RAB20: variants seen among roughly 807,000 people sequenced by gnomAD.
The protein encoded by RAB20 is ras-related protein Rab-20.
In RAB20, 2 loss-of-function variants were observed where a neutral mutation model predicts 3.7. The ratio of observed to expected loss-of-function variants is 0.54; its 90% confidence interval spans 0.22 to 1.69. The LOEUF (loss-of-function observed/expected upper bound fraction) is 1.69, where lower values mean the gene tolerates loss of function less well. RAB20 is among the 40% of genes most tolerant of loss of function. RAB20 has a pLI of 0.19. For missense variants in RAB20, 276 were observed against 311.9 expected, an observed-to-expected ratio of 0.88 and a Z score of 0.87; for synonymous variants, 126 against 130.8, an observed-to-expected ratio of 0.96 and a Z score of 0.25.
chr13:110,533,726 G>A (rs1884589421), intron 1 of RAB20, among the ~76,000 whole-genome samples: 1 of 152,056 alleles, frequency 6.6e-6, no homozygotes, highest in African/African-American at 2.4e-5. Flanking sequence ...CATCCCCTCA[G>A]GAGCATTAGA....
At chr13:110,557,184 G>C (rs1364963230) in intron 1 of RAB20, among the ~76,000 whole-genome samples, 2 of 152,216 alleles carry the variant, frequency 1.3e-5, no homozygotes, top group Non-Finnish European at 2.9e-5. Flanking sequence ...GCTGGAGGAG[G>C]GAGGATGTGG....
chr13:110,538,627 AG>A (rs1490492593), intron 1 of RAB20, among the ~76,000 whole-genome samples: 1 of 151,134 alleles, frequency 6.6e-6, no homozygotes, highest in Non-Finnish European at 1.5e-5. Context: ...AAGAAAGAAA[AG>A]AAAAGAAAAG....
chr13:110,523,464 C>A lies in RAB20; in HGVS notation c.*201G>T. 1 of 1,049,368 alleles carries A rather than the reference C, an allele frequency of 9.5e-7. No individual in the cohort carries two copies. The highest frequency in any genetic ancestry group is 1.3e-6 in the Non-Finnish European group (1 of 749,826). 65.0% of individuals were successfully genotyped at this position (1,049,368 alleles called of 1,614,324 possible). A position where few individuals can be genotyped will look rare whatever the true frequency, so the allele number is the denominator to read the frequency against. The stretch of plus-strand genomic sequence containing the variant: ...CAGAGGATTCCTGTTTCCCACCTCC[C>A]CACCCCTCTGACAGAGACTGAGGAG... On this transcript the variant is annotated 3_prime_UTR_variant, in exon 2 of 2. Transcript: ENST00000267328.
At chr13:110,545,459 G>A (rs112850094) in intron 1 of RAB20, among the ~76,000 whole-genome samples, 126 of 152,270 alleles carry the variant, frequency 8.3e-4, no homozygotes, top group African/African-American at 2.5e-3. Context: ...GTCTGTGGTC[G>A]GTCTCCCCAA....
At chr13:110,530,184 A>G (rs9559837) in intron 1 of RAB20, among the ~76,000 whole-genome samples, 6,345 of 61,254 alleles carry the variant, frequency 0.1, 309 homozygotes, top group East Asian at 0.15. Flanking sequence ...CCACCTCTAC[A>G]CAGACACAGG....
chr13:110,552,460 G>A (rs1317958299), intron 1 of RAB20, among the ~76,000 whole-genome samples: 1 of 151,730 alleles, frequency 6.6e-6, no homozygotes, highest in Non-Finnish European at 1.5e-5. Flanking sequence ...TTGGGAGGCT[G>A]AGGCGGGTGG....
intron 1 of RAB20, among the ~76,000 whole-genome samples, chr13:110,527,179 A>G (rs867089217): frequency 2.6e-5 from 4 of 152,088 alleles, no homozygotes; most frequent in Middle Eastern, 3.4e-3. Flanking sequence ...ATGGCCACAC[A>G]TTCTGATGAC....
At chr13:110,560,595 G>T (rs952570919) in intron 1 of RAB20, among the ~76,000 whole-genome samples, 1 of 152,058 alleles carries the variant, frequency 6.6e-6, no homozygotes, top group African/African-American at 2.4e-5. Flanking sequence ...TTATTCTTTT[G>T]TAAGGAGAAG....
At chr13:110,549,421 T>C (rs946639409) in intron 1 of RAB20, among the ~76,000 whole-genome samples, 1 of 152,260 alleles carries the variant, frequency 6.6e-6, no homozygotes, top group African/African-American at 2.4e-5. Flanking sequence ...CACCACTGTG[T>C]CTTTTCATCC....
rs1885021922 is a variant in RAB20 at position 110,555,362 on chromosome 13, C to T, written c.172+5986G>A. On this transcript the variant is annotated intron_variant, in intron 1 of 1. Coordinates refer to ENST00000267328, the MANE Select transcript of RAB20 (RefSeq NM_017817.3). This position sits in a 1 kb window ranked among gnomAD's most constrained non-coding sequence, Gnocchi z 4.0. ...CCTGGGACTGGGGCTCCAGTCCTCT[C>T]CATTCCACACCACAGAGTCCCCCAT... Among the ~76,000 whole-genome samples the T allele has an allele frequency of 6.6e-6, 1 of 152,206 alleles. No homozygotes were observed. Among genetic ancestry groups the T allele is most frequent in the Non-Finnish European group, 1.5e-5 (1 of 68,032 alleles).
At chr13:110,552,963 G>A (rs758781263) in intron 1 of RAB20, among the ~76,000 whole-genome samples, 22 of 152,296 alleles carry the variant, frequency 1.4e-4, no homozygotes, top group Middle Eastern at 3.4e-3. Context: ...GCTCGCAAGC[G>A]GCCACTGTGC....
chr13:110,555,850 T>C lies in RAB20; in HGVS notation c.172+5498A>G, dbSNP rs532901325. On this transcript the variant is annotated intron_variant, in intron 1 of 1. Transcript: ENST00000267328. This position sits in a 1 kb window ranked among gnomAD's most constrained non-coding sequence, Gnocchi z 4.0. ...CCCCCAGCCTTCCCTCCTCTCGCCG[T>C]GGCCTCCCCATTTATTAGAGACTTG... 4.4e-4 allele frequency among the ~76,000 whole-genome samples: 67 copies of C among 152,322 alleles called. No homozygotes were observed. Among genetic ancestry groups the C allele is most frequent in the African/African-American group, 1.5e-3 (63 of 41,578 alleles).
At chr13:110,538,597 CAAAAAA>C (rs67409356) in intron 1 of RAB20, among the ~76,000 whole-genome samples, 3 of 70,704 alleles carry the variant, frequency 4.2e-5, no homozygotes, top group African/African-American at 6.1e-5. Flanking sequence ...GATCTTCTCT[CAAAAAA>C]AAAAAAAAAA....
chr13:110,548,419 G>C (rs1170070526), intron 1 of RAB20, among the ~76,000 whole-genome samples: 3 of 150,600 alleles, frequency 2.0e-5, no homozygotes, highest in African/African-American at 7.3e-5. Flanking sequence ...GGGAGGTGGA[G>C]GTTGCAGTGA....
At chr13:110,556,830 C>A (rs965221372) in intron 1 of RAB20, among the ~76,000 whole-genome samples, 91 of 152,218 alleles carry the variant, frequency 6.0e-4, no homozygotes, top group African/African-American at 2.1e-3. Flanking sequence ...CCATGCCCAG[C>A]AAATTTGTGT....
At chr13:110,553,416 A>G (rs189920402) in intron 1 of RAB20, among the ~76,000 whole-genome samples, 270 of 152,374 alleles carry the variant, frequency 1.8e-3, no homozygotes, top group Admixed American at 5.6e-3. Flanking sequence ...CTATGGGAAC[A>G]GACTTTTAGA....
intron 1 of RAB20, among the ~76,000 whole-genome samples, 168 bp from the exon 2 acceptor site, chr13:110,524,365 T>C (rs997344900): frequency 6.6e-6 from 1 of 152,078 alleles, no homozygotes; most frequent in African/African-American, 2.4e-5. Flanking sequence ...ATGGGCACCA[T>C]CCCCAAAGCA....
chr13:110,523,962 G>A lies in RAB20; in HGVS notation c.408C>T (p.Asp136=), dbSNP rs747775752. Residue 136 remains aspartate, a synonymous_variant, in exon 2 of 2, where the codon GAC becomes GAT. Transcript: ENST00000267328. ...CCCTTGGGGAGACACGGTCCCCAGC[G>A]TCCATATTGGGACTGCACTCTTCCT... The part of the protein sequence containing the change: ...QEKEECSPNM[D]AGDRVSPRAP... The A allele has an allele frequency of 1.5e-5, 24 of 1,614,068 alleles. No individual in the cohort carries two copies. The highest frequency in any genetic ancestry group is 5.5e-5 in the South Asian group (5 of 91,092).
chr13:110,543,135 T>A (rs545353571), intron 1 of RAB20, among the ~76,000 whole-genome samples: 2 of 152,162 alleles, frequency 1.3e-5, no homozygotes, highest in East Asian at 1.9e-4. Context: ...CTCATTTTAT[T>A]TTTTTTTATT....
Sources: allele counts gnomAD v4.1 joint callset (sites outside exome capture counted in the v4.1 genomes callset), GRCh38; gene constraint gnomAD v4.1.1; non-coding constraint Gnocchi (gnomAD v3.1); transcripts MANE v1.5; gene names NCBI Gene and HGNC (gene_info 2026-07-23, HGNC 2026-07-21).